TMEM132D: variants seen among roughly 807,000 people sequenced by gnomAD.
TMEM132D encodes the protein transmembrane protein 132D, also known as mature OL transmembrane protein.
A neutral mutation model predicts 62.3 loss-of-function variants in TMEM132D; 21 were observed. The ratio of observed to expected loss-of-function variants is 0.34; its 90% CI spans 0.24 to 0.49. TMEM132D has a LOEUF of 0.49. Ranked by LOEUF, TMEM132D falls within the 20% of genes least tolerant of loss-of-function variation. The probability of loss-of-function intolerance (pLI) is 0.99; values close to 1 mark genes in which losing one functional copy is unlikely to be tolerated. For missense variants in TMEM132D, 1,346 were observed against 1,402.8 expected, an observed-to-expected ratio of 0.96 and a Z score of 0.65; for synonymous variants, 621 against 575.6, an observed-to-expected ratio of 1.08 and a Z score of -1.13.
At chr12:129,422,942 G>GGAAAACTA (rs71082711) in intron 3 of TMEM132D, among the ~76,000 whole-genome samples, 27,571 of 149,642 alleles carry the variant, frequency 0.18, 2,897 homozygotes, top group East Asian at 0.31. Context: ...ATAAAACCAA[G>GGAAAACTA]GAAAACTAGA....
At chr12:129,159,544 G>A (rs190767485) in intron 5 of TMEM132D, among the ~76,000 whole-genome samples, 1 of 152,176 alleles carries the variant, frequency 6.6e-6, no homozygotes, top group East Asian at 1.9e-4. Flanking sequence ...ATCACTTGAG[G>A]CCAGGAGTTT....
At chr12:129,150,088 C>T (rs1399553537) in intron 5 of TMEM132D, among the ~76,000 whole-genome samples, 2 of 152,238 alleles carry the variant, frequency 1.3e-5, no homozygotes, top group Non-Finnish European at 2.9e-5. Context: ...GAAGGGTCAT[C>T]GTGTCCCAGA....
intron 4 of TMEM132D, among the ~76,000 whole-genome samples, chr12:129,311,759 G>A (rs756494428): frequency 1.3e-5 from 2 of 152,144 alleles, no homozygotes; most frequent in Non-Finnish European, 2.9e-5. Flanking sequence ...CATGCTGGTA[G>A]AAAACCCTTC....
chr12:129,467,253 G>C (rs1037932703), intron 3 of TMEM132D, among the ~76,000 whole-genome samples: 2 of 152,080 alleles, frequency 1.3e-5, no homozygotes, highest in Non-Finnish European at 2.9e-5. Context: ...ATCCAAACAT[G>C]GTTGAATCCA....
chr12:129,806,651 A>C (rs1871992840), intron 1 of TMEM132D, among the ~76,000 whole-genome samples: 1 of 151,884 alleles, frequency 6.6e-6, no homozygotes. Context: ...TATGTAACTA[A>C]CCTGCACAAT....
At chr12:129,204,439 G>C (rs1334221853) in intron 5 of TMEM132D, among the ~76,000 whole-genome samples, 1 of 152,156 alleles carries the variant, frequency 6.6e-6, no homozygotes, top group Non-Finnish European at 1.5e-5. Context: ...CTTGAGGGCT[G>C]GCTGTCTGAA....
Position 129,678,790 on chromosome 12 carries a change from C to T in TMEM132D, c.968+21020G>A, listed in dbSNP as rs11060496. 6.3e-3 allele frequency among the ~76,000 whole-genome samples: 955 copies of T among 152,160 alleles called. 20 individuals carry two copies. Among genetic ancestry groups the T allele is most frequent in the East Asian group, 0.063 (324 of 5,180 alleles). On this transcript the variant is annotated intron_variant, in intron 2 of 8. Transcript: ENST00000422113. ...TTTTAATGCCCAATTGATACGACAT[C>T]AATGCCTATAAATGGCATGAAGCAG...
intron 1 of TMEM132D, among the ~76,000 whole-genome samples, chr12:129,829,264 T>TATAA (rs1872758019): frequency 6.6e-6 from 1 of 151,202 alleles, no homozygotes; most frequent in Non-Finnish European, 1.5e-5. Context: ...TATTATAGAG[T>TATAA]TCAGTGGCTT....
At chr12:129,385,930 G>A (rs1321613218) in intron 3 of TMEM132D, among the ~76,000 whole-genome samples, 1 of 152,178 alleles carries the variant, frequency 6.6e-6, no homozygotes, top group Non-Finnish European at 1.5e-5. Flanking sequence ...CTTAGAGTGA[G>A]TGCTGGGACC....
intron 2 of TMEM132D, among the ~76,000 whole-genome samples, chr12:129,540,259 G>A (rs2137097102): frequency 6.6e-6 from 1 of 152,226 alleles, no homozygotes; most frequent in South Asian, 2.1e-4. Flanking sequence ...GGAGATGTGG[G>A]ATGAGTAGAA....
intron 4 of TMEM132D, among the ~76,000 whole-genome samples, chr12:129,234,786 T>A (rs1334468546): frequency 1.3e-5 from 2 of 152,212 alleles, no homozygotes; most frequent in African/African-American, 4.8e-5. Flanking sequence ...TGGGAGAGTA[T>A]AATGATTTTC....
At chr12:129,216,089 T>G (rs918701615) in intron 4 of TMEM132D, among the ~76,000 whole-genome samples, 2 of 152,204 alleles carry the variant, frequency 1.3e-5, no homozygotes, top group Non-Finnish European at 2.9e-5. Flanking sequence ...GAATCCTGGT[T>G]GTGACACTAC....
At chr12:129,617,216 CCA>C (rs1878942603) in intron 2 of TMEM132D, among the ~76,000 whole-genome samples, 1 of 152,180 alleles carries the variant, frequency 6.6e-6, no homozygotes, top group African/African-American at 2.4e-5. Flanking sequence ...CGATTCAGAA[CCA>C]CTGGCTTTGC....
At chr12:129,498,734 T>C (rs570513243) in intron 3 of TMEM132D, among the ~76,000 whole-genome samples, 1 of 152,310 alleles carries the variant, frequency 6.6e-6, no homozygotes, top group East Asian at 1.9e-4. Flanking sequence ...TCCTCCTGTA[T>C]GTCTTCATCA....
chr12:129,895,431 G>A (rs903970558), intron 1 of TMEM132D, among the ~76,000 whole-genome samples: 3 of 152,326 alleles, frequency 2.0e-5, no homozygotes, highest in Admixed American at 2.0e-4. Flanking sequence ...ACAACCAGGA[G>A]GGCTTTGTGA....
intron 4 of TMEM132D, among the ~76,000 whole-genome samples, chr12:129,285,526 C>CAA (rs1555244565): frequency 2.4e-5 from 1 of 40,932 alleles, no homozygotes; most frequent in African/African-American, 7.6e-5. Flanking sequence ...GACTGTGTCT[C>CAA]AAAAAAAAAA....
chr12:129,874,609 C>T (rs968614097), intron 1 of TMEM132D, among the ~76,000 whole-genome samples: 3 of 129,746 alleles, frequency 2.3e-5, no homozygotes, highest in African/African-American at 8.1e-5. Context: ...AAAAAAAAAA[C>T]GGAGGTCAAA....
At chr12:129,619,403 T>G (rs1307025184) in intron 2 of TMEM132D, among the ~76,000 whole-genome samples, 1 of 152,180 alleles carries the variant, frequency 6.6e-6, no homozygotes, top group Non-Finnish European at 1.5e-5. Flanking sequence ...CCACAGTGCT[T>G]TAAATGCATG....
chr12:129,463,139 G>A (rs1378602427), intron 3 of TMEM132D, among the ~76,000 whole-genome samples: 2 of 152,200 alleles, frequency 1.3e-5, no homozygotes, highest in African/African-American at 4.8e-5. Context: ...ACACAGTGCT[G>A]TCCAGAATCA....
Sources: gnomAD v4.1 joint callset for allele counts (sites outside exome capture counted in the v4.1 genomes callset) on GRCh38, gnomAD v4.1.1 for gene constraint, MANE v1.5 for transcripts, NCBI Gene and HGNC (gene_info 2026-07-23, HGNC 2026-07-21) for gene names.